Variants in CTNNA3 observed in about 807,000 individuals in gnomAD.
CTNNA3 encodes catenin alpha-3.
In CTNNA3, 76 loss-of-function variants were observed where a neutral mutation model predicts 95.7. That is an observed-to-expected ratio of 0.79 (90% CI 0.66 to 0.96). The LOEUF (loss-of-function observed/expected upper bound fraction) is 0.96, where lower values mean the gene tolerates loss of function less well. Ranked by LOEUF, CTNNA3 falls within the 40% of genes least tolerant of loss-of-function variation. The pLI is 0.00. For missense variants in CTNNA3, 1,191 were observed against 1,089.8 expected (o/e 1.09, Z -1.31); for synonymous variants, 431 against 374.4 (o/e 1.15, Z -1.74).
chr10:67,225,498 A>T (rs1422673965), intron 5 of CTNNA3, among the ~76,000 whole-genome samples: 1 of 152,220 alleles, frequency 6.6e-6, no homozygotes, highest in East Asian at 1.9e-4. Context: ...CCACCAGAAC[A>T]GGAACTGGTA....
intron 8 of CTNNA3, 138 bp downstream of exon 8, chr10:66,775,306 G>A (rs1436766585): frequency 1.8e-6 from 1 of 564,294 alleles, no homozygotes; most frequent in African/African-American, 2.2e-5. Flanking sequence ...ATATAAATGT[G>A]GAAAGTATAT....
At chr10:67,726,237 TTA>T (rs922468280) in intron 1 of CTNNA3, among the ~76,000 whole-genome samples, 5 of 99,522 alleles carry the variant, frequency 5.0e-5, no homozygotes, top group Non-Finnish European at 8.7e-5. Context: ...ACATTATATA[TTA>T]TATATTATAT....
At chr10:66,208,175 G>T (rs2087887302) in intron 13 of CTNNA3, among the ~76,000 whole-genome samples, 1 of 152,084 alleles carries the variant, frequency 6.6e-6, no homozygotes, top group African/African-American at 2.4e-5. Flanking sequence ...AATGATCTTG[G>T]TTTCTCATCT....
chr10:66,542,095 T>A (rs1193333052), intron 10 of CTNNA3, among the ~76,000 whole-genome samples: 1 of 152,090 alleles, frequency 6.6e-6, no homozygotes, highest in East Asian at 1.9e-4. Context: ...AACAGACACT[T>A]CTCAAAAGAA....
chr10:66,121,840 T>C (rs1307343408), intron 13 of CTNNA3, among the ~76,000 whole-genome samples: 1 of 151,884 alleles, frequency 6.6e-6, no homozygotes, highest in East Asian at 1.9e-4. Flanking sequence ...TGAGACCCTG[T>C]CTCAAAAAAA....
At chr10:66,387,247 C>T (rs1279453218) in intron 11 of CTNNA3, among the ~76,000 whole-genome samples, 1 of 151,684 alleles carries the variant, frequency 6.6e-6, no homozygotes, top group Admixed American at 6.6e-5. Flanking sequence ...AACCAATTTA[C>T]TAGAAAAAAA....
intron 17 of CTNNA3, among the ~76,000 whole-genome samples, chr10:65,941,407 G>A (rs1019532515): frequency 1.3e-5 from 2 of 152,122 alleles, no homozygotes; most frequent in Admixed American, 6.5e-5. Context: ...TCACTCTAAC[G>A]ACATGTAGAA....
chr10:66,575,277 T>G (rs566949340), intron 10 of CTNNA3, among the ~76,000 whole-genome samples: 90 of 151,924 alleles, frequency 5.9e-4, no homozygotes, highest in African/African-American at 2.1e-3. Context: ...AAAATGAGGC[T>G]CAAAAATTTA....
At chr10:67,430,817 A>T (rs1247611076) in intron 5 of CTNNA3, among the ~76,000 whole-genome samples, 4 of 133,406 alleles carry the variant, frequency 3.0e-5, no homozygotes, top group Admixed American at 2.5e-4. Context: ...ACTCAAACAT[A>T]ACTACACACA....
intron 15 of CTNNA3, among the ~76,000 whole-genome samples, chr10:65,995,155 A>T (rs879477721): frequency 6.6e-6 from 1 of 150,832 alleles, no homozygotes; most frequent in Non-Finnish European, 1.5e-5. Context: ...TCATTTCATT[A>T]ATTTCTTTTT....
At chr10:67,200,969 T>A (rs1321131268) in intron 6 of CTNNA3, among the ~76,000 whole-genome samples, 1 of 152,194 alleles carries the variant, frequency 6.6e-6, no homozygotes, top group Non-Finnish European at 1.5e-5. Context: ...AAAGGGTCAA[T>A]TGACCCCAAC....
At chr10:67,687,788 C>T (rs1452964431) in intron 1 of CTNNA3, among the ~76,000 whole-genome samples, 1 of 152,136 alleles carries the variant, frequency 6.6e-6, no homozygotes. Context: ...GATTTTCTTC[C>T]TTTCCCTGAG....
At chr10:66,229,805 G>C (rs1234918822) in intron 13 of CTNNA3, among the ~76,000 whole-genome samples, 1 of 151,958 alleles carries the variant, frequency 6.6e-6, no homozygotes, top group Non-Finnish European at 1.5e-5. Context: ...TCATTAAATA[G>C]GTTTCTGCCT....
intron 10 of CTNNA3, among the ~76,000 whole-genome samples, chr10:66,561,186 T>G (rs1842542724): frequency 6.6e-6 from 1 of 152,112 alleles, no homozygotes; most frequent in African/African-American, 2.4e-5. Flanking sequence ...ATTTTATCTT[T>G]TTATCTAAAA....
chr10:66,871,626 G>C lies in CTNNA3; in HGVS notation c.1048-96102C>G, dbSNP rs188503626. ...GTTTTTCTAATATTAAGTACATATG[G>C]ACAAAGAATTCCCATCAAAATTTGG... is the stretch of plus-strand genomic sequence containing the variant. On this transcript the variant is annotated intron_variant, in intron 7 of 17. Transcript: ENST00000433211. Among the ~76,000 whole-genome samples, 4 of 150,152 alleles carry C rather than the reference G, an allele frequency of 2.7e-5. No homozygotes were observed. The South Asian group carries it at 6.3e-4, about 24-fold the overall frequency.
At chr10:66,753,123 G>A (rs1376126225) in intron 9 of CTNNA3, among the ~76,000 whole-genome samples, 1 of 151,976 alleles carries the variant, frequency 6.6e-6, no homozygotes, top group Non-Finnish European at 1.5e-5. Context: ...TTCAAGCCTG[G>A]ACTAAGGGGG....
chr10:66,269,905 C>T (rs1160338552), intron 13 of CTNNA3, among the ~76,000 whole-genome samples: 1 of 152,008 alleles, frequency 6.6e-6, no homozygotes, highest in Non-Finnish European at 1.5e-5. Context: ...GAAGCTTCTA[C>T]GAAGACAAAT....
At chr10:67,006,451 A>G (rs1334937458) in intron 7 of CTNNA3, among the ~76,000 whole-genome samples, 2 of 152,018 alleles carry the variant, frequency 1.3e-5, no homozygotes, top group African/African-American at 2.4e-5. Flanking sequence ...GAAAAGAGTA[A>G]TTTTATCTTC....
chr10:67,515,627 G>A (rs1282389289), intron 5 of CTNNA3, among the ~76,000 whole-genome samples: 9 of 152,100 alleles, frequency 5.9e-5, no homozygotes, highest in Non-Finnish European at 7.4e-5. Context: ...ATTTGATCTG[G>A]TAAATAAGAA....
Sources: gnomAD v4.1 joint callset for allele counts (sites outside exome capture counted in the v4.1 genomes callset) on GRCh38, gnomAD v4.1.1 for gene constraint, MANE v1.5 for transcripts, NCBI Gene and HGNC (gene_info 2026-07-23, HGNC 2026-07-21) for gene names.